Variants in FER1L5 observed in about 807,000 individuals in gnomAD.
The protein encoded by FER1L5 is fer-1 like family member 5, also known as fer-1-like protein 5.
FER1L5 carries 187 observed loss-of-function variants against 279.9 expected under a neutral mutation model. The ratio of observed to expected loss-of-function variants is 0.67; its 90% CI spans 0.59 to 0.75. FER1L5 has a LOEUF of 0.75. FER1L5 is among the 30% of genes least tolerant of loss of function. The pLI is 0.00. For missense variants in FER1L5, 2,091 were observed against 2,594.4 expected, an observed-to-expected ratio of 0.81 and a Z score of 4.21; for synonymous variants, 921 against 989.7, an observed-to-expected ratio of 0.93 and a Z score of 1.30.
At chr2:96,655,386 C>T (rs1243055647) in intron 9 of FER1L5, among the ~76,000 whole-genome samples, 2 of 152,168 alleles carry the variant, frequency 1.3e-5, no homozygotes, top group Non-Finnish European at 2.9e-5. Context: ...ACAAAAAATA[C>T]ATTTTAAATA....
rs2077356478 is a variant in FER1L5 at position 96,695,868 on chromosome 2, C to A, written c.4021C>A (p.Pro1341Thr). ...CTTCCTCCAGCCCTACTTCTGTGAC[C>A]CCTGGGCTCAAGACTATATGCACCC... ...IDFLQPYFCD[P>T]WAQDYMHPKL... Residue 1341 changes from proline (P) to threonine (T), a missense_variant, in exon 36 of 53, where the codon CCC (proline) becomes ACC (threonine). By Grantham distance (38) the Pro-to-Thr change is conservative. Transcript: ENST00000624922. 1 of 1,613,698 alleles carries A rather than the reference C, an allele frequency of 6.2e-7. No homozygotes were observed. Among genetic ancestry groups the A allele is most frequent in the African/African-American group, 1.3e-5 (1 of 75,066 alleles).
At chr2:96,695,452 C>A in intron 34 of FER1L5, 57 bp from the exon 35 acceptor site, 2 of 1,514,690 alleles carry the variant, frequency 1.3e-6, no homozygotes, top group Non-Finnish European at 1.8e-6. Context: ...CTGGCCAGGA[C>A]CCCATTACAG....
intron 51 of FER1L5, among the ~76,000 whole-genome samples, chr2:96,703,928 G>C (rs2077686323): frequency 6.8e-6 from 1 of 147,424 alleles, no homozygotes; most frequent in Admixed American, 7.1e-5. Context: ...CGATTCTCCT[G>C]CCTCAGCCTC....
chr2:96,650,182 G>A lies in FER1L5; in HGVS notation c.397G>A (p.Ala133Thr). 1.3e-6 allele frequency: 2 copies of A among 1,551,670 alleles called. No individual in the cohort carries two copies. Among genetic ancestry groups the A allele is most frequent in the Non-Finnish European group, 1.7e-6 (2 of 1,146,946 alleles). ...MSNQDIEKTG[A>T]EDHLGITARE... is the part of the protein sequence containing the mutation. Reference sequence around the variant, plus strand: ...CACCCTGCACTGTGTCTCCCCAGGAGCTGAAGACCACCTGGGCATAACGGC... The same window carrying A: ...CACCCTGCACTGTGTCTCCCCAGGAACTGAAGACCACCTGGGCATAACGGC... The change falls in exon 6 of 53, where the codon GCT (alanine) becomes ACT (threonine). Residue 133 changes from alanine (A) to threonine (T), a missense_variant and splice_region_variant. Transcript: ENST00000624922.
At chr2:96,659,420 T>TTC (rs2075819191) in intron 9 of FER1L5, among the ~76,000 whole-genome samples, 1 of 8,384 alleles carries the variant, frequency 1.2e-4, no homozygotes, top group Non-Finnish European at 1.9e-4. Flanking sequence ...TTTCTTTCTT[T>TTC]CTTTCTTTCT....
intron 1 of FER1L5, among the ~76,000 whole-genome samples, chr2:96,644,111 G>C (rs1356515144): frequency 6.7e-6 from 1 of 150,130 alleles, no homozygotes; most frequent in Admixed American, 6.7e-5. Context: ...GGCGGAGGTT[G>C]CAGTGAGCGG....
At chr2:96,678,048 C>A (rs1222026967) in intron 19 of FER1L5, among the ~76,000 whole-genome samples, 1 of 151,894 alleles carries the variant, frequency 6.6e-6, no homozygotes, top group Non-Finnish European at 1.5e-5. Flanking sequence ...AGTAGGCACA[C>A]AGTGGCAGCT....
chr2:96,665,036 A>G (rs1158396596), intron 14 of FER1L5, among the ~76,000 whole-genome samples: 6 of 152,154 alleles, frequency 3.9e-5, no homozygotes, highest in Admixed American at 2.6e-4. Flanking sequence ...TCGCCTTTCA[A>G]TCTGTCTCCG....
At chr2:96,654,696 G>A (rs376331866) in intron 9 of FER1L5, 200 bp downstream of exon 9, 12 of 316,992 alleles carry the variant, frequency 3.8e-5, no homozygotes, top group East Asian at 9.5e-5. Flanking sequence ...TCAGGAGATC[G>A]AGACCATCGT....
chr2:96,651,271 CTTT>C (rs2075360889), intron 6 of FER1L5, among the ~76,000 whole-genome samples: 3 of 150,276 alleles, frequency 2.0e-5, no homozygotes, highest in Middle Eastern at 3.4e-3. Flanking sequence ...TTCTTTCTTT[CTTT>C]CTTTCTTTCT....
chr2:96,662,313 G>C, intron 13 of FER1L5, 46 bp downstream of exon 13: 5 of 1,540,766 alleles, frequency 3.2e-6, no homozygotes, highest in Non-Finnish European at 1.8e-6. Flanking sequence ...GGCATCTAGA[G>C]AAAGTAGTTT....
intron 4 of FER1L5, among the ~76,000 whole-genome samples, chr2:96,648,236 C>T (rs1320488985): frequency 6.6e-6 from 1 of 152,176 alleles, no homozygotes; most frequent in Non-Finnish European, 1.5e-5. Flanking sequence ...AGGGAGTGAA[C>T]AATTTGTCTC....
At chr2:96,655,059 A>G (rs1026123850) in intron 9 of FER1L5, among the ~76,000 whole-genome samples, 3 of 152,182 alleles carry the variant, frequency 2.0e-5, no homozygotes, top group African/African-American at 7.2e-5. Context: ...TAAAGTATAT[A>G]TAACGTTTAT....
intron 14 of FER1L5, among the ~76,000 whole-genome samples, chr2:96,666,036 G>A (rs2076114802): frequency 6.6e-6 from 1 of 151,846 alleles, no homozygotes; most frequent in African/African-American, 2.4e-5. Flanking sequence ...GGGGCCCTTT[G>A]GATACTGGCC....
intron 19 of FER1L5, among the ~76,000 whole-genome samples, chr2:96,677,602 A>C (rs1410365910): frequency 2.6e-5 from 4 of 151,910 alleles, no homozygotes; most frequent in African/African-American, 9.7e-5. Flanking sequence ...ACGGTGGCTC[A>C]CTCCTGTAAT....
chr2:96,646,060 G>A (rs553253097), intron 1 of FER1L5, among the ~76,000 whole-genome samples: 2 of 150,340 alleles, frequency 1.3e-5, no homozygotes, highest in Non-Finnish European at 3.0e-5. Context: ...GTGCAGTGGC[G>A]GGATCTCAGC....
intron 19 of FER1L5, among the ~76,000 whole-genome samples, chr2:96,675,540 C>T (rs2076480245): frequency 6.6e-6 from 1 of 152,188 alleles, no homozygotes; most frequent in Admixed American, 6.5e-5. Flanking sequence ...AATTTTCCTG[C>T]CTCAGCCTCC....
chr2:96,663,735 T>C (rs999128103), intron 14 of FER1L5, among the ~76,000 whole-genome samples: 2 of 152,166 alleles, frequency 1.3e-5, no homozygotes, highest in Non-Finnish European at 2.9e-5. Flanking sequence ...TATGTATGAC[T>C]TGTAGATATT....
intron 6 of FER1L5, among the ~76,000 whole-genome samples, chr2:96,650,919 T>A (rs2075334310): frequency 6.6e-6 from 1 of 152,180 alleles, no homozygotes; most frequent in Non-Finnish European, 1.5e-5. Context: ...CCACTTCTGT[T>A]CCCTGGCCTG....
Sources: allele counts gnomAD v4.1 joint callset (sites outside exome capture counted in the v4.1 genomes callset), GRCh38; gene constraint gnomAD v4.1.1; transcripts MANE v1.5; gene names NCBI Gene and HGNC (gene_info 2026-07-23, HGNC 2026-07-21).